The following PLXNA2 variants were observed in gnomAD, a reference collection of about 807,000 sequenced individuals.
PLXNA2 encodes plexin-A2.
In PLXNA2, 91 loss-of-function variants were observed where a neutral mutation model predicts 193.5. The ratio of observed to expected loss-of-function variants is 0.47; its 90% CI spans 0.40 to 0.56. The LOEUF (loss-of-function observed/expected upper bound fraction) is 0.56. Ranked by LOEUF, PLXNA2 falls within the 20% of genes least tolerant of loss-of-function variation. The pLI is 0.00. For synonymous variants in PLXNA2, 997 were observed against 1,027.3 expected (o/e 0.97, Z 0.56); for missense variants, 1,995 against 2,503.2 (o/e 0.80, Z 4.33).
intron 9 of PLXNA2, among the ~76,000 whole-genome samples, chr1:208,086,062 C>A (rs1299302991): frequency 6.6e-6 from 1 of 152,226 alleles, no homozygotes; most frequent in Non-Finnish European, 1.5e-5. Context: ...GTCCCTGCCC[C>A]TGCCCCTGCA....
chr1:208,065,609 G>A (rs1665766124), intron 12 of PLXNA2, among the ~76,000 whole-genome samples: 1 of 152,224 alleles, frequency 6.6e-6, no homozygotes, highest in African/African-American at 2.4e-5. Flanking sequence ...GATGATGGAA[G>A]TCTTCCTATC....
intron 3 of PLXNA2, among the ~76,000 whole-genome samples, chr1:208,177,931 G>A (rs537790984): frequency 6.6e-6 from 1 of 152,352 alleles, no homozygotes; most frequent in Non-Finnish European, 1.5e-5. Context: ...CCCGTCTCTG[G>A]TTATCTGTGT....
chr1:208,113,407 C>T (rs2102435836), intron 4 of PLXNA2, among the ~76,000 whole-genome samples: 1 of 152,330 alleles, frequency 6.6e-6, no homozygotes. Context: ...TTGACTTCTT[C>T]CAAGAACTGG....
At chr1:208,049,093 C>G (rs1366759218) in intron 17 of PLXNA2, among the ~76,000 whole-genome samples, 1 of 152,140 alleles carries the variant, frequency 6.6e-6, no homozygotes, top group African/African-American at 2.4e-5. Context: ...TATGCCTGTT[C>G]CTTCCTGCAG....
intron 4 of PLXNA2, among the ~76,000 whole-genome samples, chr1:208,107,545 ACAGCCC>A (rs1667309149): frequency 6.6e-6 from 1 of 152,126 alleles, no homozygotes; most frequent in Non-Finnish European, 1.5e-5. Context: ...ACCCCAGGTG[ACAGCCC>A]AGCACTTGTT....
At chr1:208,224,312 T>G (rs1671443868) in intron 1 of PLXNA2, among the ~76,000 whole-genome samples, 2 of 137,096 alleles carry the variant, frequency 1.5e-5, no homozygotes, top group Non-Finnish European at 3.1e-5. Context: ...ATTATTCAAA[T>G]GCCCATGATT....
In PLXNA2 at chr1:208,168,724, GTTTTTTTT is replaced by G. The variant is rs10668701; in HGVS notation, c.1372-26269_1372-26262del. Reference sequence around the variant, plus strand: ...AAAAAGAAGACAAAGAGTATGCGGGGTTTTTTTTTTTTTTTTTTTTTTTTTTTAGAATG... The same window carrying G: ...AAAAAGAAGACAAAGAGTATGCGGGGTTTTTTTTTTTTTTTTTTTAGAATG... On this transcript the variant is annotated intron_variant, in intron 3 of 31. Coordinates refer to ENST00000367033, the MANE Select transcript of PLXNA2 (RefSeq NM_025179.4). Among the ~76,000 whole-genome samples, 56 of 73,194 alleles carry G rather than the reference GTTTTTTTT, an allele frequency of 7.7e-4. 1 individual carries two copies. The highest frequency in any genetic ancestry group is 3.0e-3 in the African/African-American group (46 of 15,476). The allele number at this position is 73,194 out of a possible 152,430, so 48.0% of individuals were successfully genotyped here.
chr1:208,145,539 G>A (rs889458411), intron 3 of PLXNA2, among the ~76,000 whole-genome samples: 10 of 152,218 alleles, frequency 6.6e-5, no homozygotes, highest in African/African-American at 1.7e-4. Flanking sequence ...GGGCACTTGC[G>A]TGGATTCAGC....
intron 1 of PLXNA2, among the ~76,000 whole-genome samples, chr1:208,240,228 T>C (rs541095740): frequency 5.3e-5 from 8 of 152,294 alleles, no homozygotes; most frequent in Non-Finnish European, 1.0e-4. Flanking sequence ...AGTGTGGAGC[T>C]AGATAAAGAG....
intron 3 of PLXNA2, among the ~76,000 whole-genome samples, chr1:208,168,334 G>C (rs528454921): frequency 2.7e-4 from 41 of 152,288 alleles, no homozygotes; most frequent in African/African-American, 9.9e-4. Context: ...TCAGATTTCA[G>C]TTAAAATACA....
chr1:208,082,824 C>T lies in PLXNA2; in HGVS notation c.2299-316G>A, dbSNP rs372158496. Among the ~76,000 whole-genome samples, 2 of 152,054 alleles carry T rather than the reference C, an allele frequency of 1.3e-5. No individual in the cohort carries two copies. The highest frequency in any genetic ancestry group is 2.9e-5 in the Non-Finnish European group (2 of 68,004). ...GTTCCTATCTCATAAGGAATGCAAC[C>T]GTCTCCCTACAACCTCCATCCTTTT... On this transcript the variant is annotated intron_variant, in intron 10 of 31. Transcript: ENST00000367033. This position sits in a 1 kb window ranked among gnomAD's most constrained non-coding sequence, Gnocchi z 4.2.
intron 3 of PLXNA2, among the ~76,000 whole-genome samples, chr1:208,206,573 T>C (rs1333282241): frequency 1.3e-5 from 2 of 152,214 alleles, no homozygotes; most frequent in Non-Finnish European, 2.9e-5. Flanking sequence ...AACTCATCAG[T>C]TCATCAGTTC....
chr1:208,176,646 G>A lies in PLXNA2; in HGVS notation c.1371+33634C>T, dbSNP rs374954398. ...GACATATAAGTGACTGAGGATGCAAGGGAAGGCCAGCTCCTACTGTGTCTG... is the reference window on the plus strand; with the variant it reads ...GACATATAAGTGACTGAGGATGCAAAGGAAGGCCAGCTCCTACTGTGTCTG... On this transcript the variant is annotated intron_variant, in intron 3 of 31. Coordinates refer to ENST00000367033, the MANE Select transcript of PLXNA2 (RefSeq NM_025179.4). 1.1e-3 allele frequency among the ~76,000 whole-genome samples: 170 copies of A among 152,272 alleles called. 6 individuals carry two copies. In the South Asian group the frequency reaches 0.034, roughly 30 times the overall value.
chr1:208,045,223 G>C lies in PLXNA2; in HGVS notation c.3496-13C>G, dbSNP rs150443731. 1.2e-4 allele frequency: 193 copies of C among 1,612,970 alleles called. 1 individual carries two copies. The African/African-American group carries it at 2.3e-3, about 19-fold the overall frequency. On this transcript the variant is annotated splice_polypyrimidine_tract_variant and intron_variant, in intron 18 of 31. Coordinates refer to ENST00000367033, the MANE Select transcript of PLXNA2 (RefSeq NM_025179.4). ...AGAGGTTTTTGCCCTGTAGAGAATA[G>C]CAGTCTTTATAGGCATAATTGACAC...
At chr1:208,122,211 C>T (rs538898890) in intron 4 of PLXNA2, among the ~76,000 whole-genome samples, 2 of 152,336 alleles carry the variant, frequency 1.3e-5, no homozygotes, top group East Asian at 3.9e-4. Context: ...ATCAGACCAA[C>T]AGATGAGATC....
At chr1:208,180,258 GGGA>G (rs558102722) in intron 3 of PLXNA2, among the ~76,000 whole-genome samples, 99 of 152,078 alleles carry the variant, frequency 6.5e-4, no homozygotes, top group African/African-American at 2.3e-3. Flanking sequence ...GCCATTATAT[GGGA>G]GGAGAAGAAA....
At chr1:208,174,146 A>G (rs1226477878) in intron 3 of PLXNA2, among the ~76,000 whole-genome samples, 1 of 152,188 alleles carries the variant, frequency 6.6e-6, no homozygotes, top group African/African-American at 2.4e-5. Flanking sequence ...GGTTTTTGCA[A>G]ATGTGTCTAG....
Position 208,028,984 on chromosome 1 carries a change from G to A in PLXNA2, c.5284C>T (p.His1762Tyr). The A allele has an allele frequency of 6.2e-7, 1 of 1,614,078 alleles. No individual in the cohort carries two copies. The highest frequency in any genetic ancestry group is 1.1e-5 in the South Asian group (1 of 91,068). ...IKNPQFVFDI[H>Y]KGSITDACLS... is the part of the protein sequence containing the mutation. ...CAGGCGTCCGTGATGCTGCCCTTGTGGATGTCAAACACGAACTGGGGGTTC... is the reference window on the plus strand; with the variant it reads ...CAGGCGTCCGTGATGCTGCCCTTGTAGATGTCAAACACGAACTGGGGGTTC... The change falls in exon 30 of 32, where the codon CAC becomes TAC. Residue 1762 changes from histidine to tyrosine, a missense_variant. This residue lies in a region of PLXNA2 where 1,291 missense variants were observed against 1,673.6 expected (regional missense o/e 0.77). Transcript: ENST00000367033. The surrounding 1 kb of genome is among the most constrained non-coding windows in gnomAD (Gnocchi z 4.2).
chr1:208,240,932 C>T (rs967309549), intron 1 of PLXNA2, among the ~76,000 whole-genome samples: 4 of 152,096 alleles, frequency 2.6e-5, no homozygotes, highest in African/African-American at 7.2e-5. Flanking sequence ...GCCTCCCCCA[C>T]ACCAAACCCT....
Sources: allele counts gnomAD v4.1 joint callset (sites outside exome capture counted in the v4.1 genomes callset), GRCh38; gene constraint gnomAD v4.1.1; regional missense constraint gnomAD v4.1.1; non-coding constraint Gnocchi (gnomAD v3.1); transcripts MANE v1.5; gene names NCBI Gene and HGNC (gene_info 2026-07-23, HGNC 2026-07-21).